Variants in ELP4 observed in about 807,000 individuals in gnomAD.
The protein encoded by ELP4 is elongator complex protein 4.
In ELP4, 51 loss-of-function variants were observed where a neutral mutation model predicts 48.9. The ratio of observed to expected loss-of-function variants is 1.04; its 90% CI spans 0.83 to 1.32. The LOEUF (loss-of-function observed/expected upper bound fraction) is 1.32, where lower values mean the gene tolerates loss of function less well. Ranked by LOEUF, ELP4 falls within the 40% of genes most tolerant of loss-of-function variation. The pLI is 0.00. For synonymous variants in ELP4, 210 were observed against 189.2 expected (o/e 1.11, Z -0.90); for missense variants, 519 against 514.6 (o/e 1.01, Z -0.08).
At chr11:31,613,525 C>T (rs972087098) in intron 5 of ELP4, among the ~76,000 whole-genome samples, 7 of 152,058 alleles carry the variant, frequency 4.6e-5, no homozygotes, top group Non-Finnish European at 5.9e-5. Flanking sequence ...ACATTTTTAT[C>T]AGCATACTTC....
At chr11:31,684,249 C>T (rs1344690223) in intron 9 of ELP4, among the ~76,000 whole-genome samples, 1 of 152,080 alleles carries the variant, frequency 6.6e-6, no homozygotes, top group Non-Finnish European at 1.5e-5. Context: ...CTTTGTCACC[C>T]AGGCTGGAGT....
intron 3 of ELP4, among the ~76,000 whole-genome samples, chr11:31,578,318 T>C (rs1174281376): frequency 1.3e-5 from 2 of 152,238 alleles, no homozygotes; most frequent in African/African-American, 4.8e-5. Flanking sequence ...GAACATTCCA[T>C]GCTTATGGTT....
intron 9 of ELP4, among the ~76,000 whole-genome samples, chr11:31,682,715 A>G (rs914710713): frequency 1.3e-5 from 2 of 152,340 alleles, no homozygotes; most frequent in East Asian, 1.9e-4. Context: ...AAACTGACAT[A>G]TAAACAACTA....
intron 9 of ELP4, among the ~76,000 whole-genome samples, chr11:31,730,976 A>G (rs1194944436): frequency 6.6e-6 from 1 of 152,156 alleles, no homozygotes; most frequent in African/African-American, 2.4e-5. Context: ...TCCTGAAAAA[A>G]AAAAAGAAGC....
intron 7 of ELP4, among the ~76,000 whole-genome samples, chr11:31,637,648 G>A (rs1945009419): frequency 6.6e-6 from 1 of 151,886 alleles, no homozygotes; most frequent in African/African-American, 2.4e-5. Context: ...CTTTAAAGCA[G>A]TTACAATAGG....
intron 9 of ELP4, among the ~76,000 whole-genome samples, chr11:31,742,874 T>C (rs1438395731): frequency 1.3e-5 from 2 of 152,126 alleles, no homozygotes; most frequent in Non-Finnish European, 2.9e-5. Flanking sequence ...AACATCATAA[T>C]GACAGGATCA....
intron 9 of ELP4, among the ~76,000 whole-genome samples, chr11:31,709,429 A>G (rs1180536686): frequency 6.6e-6 from 1 of 152,128 alleles, no homozygotes; most frequent in East Asian, 1.9e-4. Context: ...GTATTCAGTT[A>G]CTCACTATCA....
intron 6 of ELP4, among the ~76,000 whole-genome samples, chr11:31,627,897 G>A (rs1048431678): frequency 6.6e-6 from 1 of 152,018 alleles, no homozygotes; most frequent in Non-Finnish European, 1.5e-5. Flanking sequence ...TATTGAAGAA[G>A]ACAGAGAAGC....
chr11:31,731,974 A>G (rs1206416680), intron 9 of ELP4, among the ~76,000 whole-genome samples: 1 of 152,288 alleles, frequency 6.6e-6, no homozygotes, highest in South Asian at 2.1e-4. Context: ...TTCTTCAAAA[A>G]TGGAGCAATA....
At chr11:31,649,491 A>G (rs769150203) in intron 8 of ELP4, 2 of 151,630 alleles carry the variant, frequency 1.3e-5, no homozygotes, top group Non-Finnish European at 3.0e-5. Context: ...GCCAAAGCTC[A>G]TGGTTTACCT....
At chr11:31,611,384 G>A (rs1390579245) in intron 5 of ELP4, among the ~76,000 whole-genome samples, 1 of 151,968 alleles carries the variant, frequency 6.6e-6, no homozygotes, top group African/African-American at 2.4e-5. Context: ...AGTATGAGTC[G>A]GCTCTTATCA....
chr11:31,717,583 A>C (rs1324843346), intron 9 of ELP4, among the ~76,000 whole-genome samples: 1 of 151,796 alleles, frequency 6.6e-6, no homozygotes, highest in Non-Finnish European at 1.5e-5. Flanking sequence ...GTAAAACCTC[A>C]TCTCTACTAA....
intron 9 of ELP4, among the ~76,000 whole-genome samples, chr11:31,685,561 G>C (rs939504294): frequency 6.6e-6 from 1 of 152,130 alleles, no homozygotes; most frequent in East Asian, 1.9e-4. Flanking sequence ...TAACAGATTT[G>C]TATCCAAACT....
At chr11:31,681,308 T>C (rs957727930) in intron 9 of ELP4, among the ~76,000 whole-genome samples, 1 of 152,222 alleles carries the variant, frequency 6.6e-6, no homozygotes, top group Non-Finnish European at 1.5e-5. Flanking sequence ...AAACAGGGTT[T>C]GATTTGTTAC....
At chr11:31,717,921 G>A (rs563881112) in intron 9 of ELP4, among the ~76,000 whole-genome samples, 15 of 151,858 alleles carry the variant, frequency 9.9e-5, no homozygotes, top group Middle Eastern at 3.4e-3. Flanking sequence ...TTTGATAACC[G>A]CATCCATAGT....
intron 1 of ELP4, among the ~76,000 whole-genome samples, chr11:31,516,208 A>C (rs1382489753): frequency 1.3e-5 from 2 of 152,218 alleles, no homozygotes; most frequent in Non-Finnish European, 2.9e-5. Context: ...AGGAGGTTAG[A>C]TAAGAAACCT....
intron 9 of ELP4, chr11:31,714,740 T>A (rs930449957): frequency 7.5e-6 from 3 of 398,538 alleles, no homozygotes; most frequent in Admixed American, 4.4e-5. Flanking sequence ...ATTCCTTGGC[T>A]CATGGCTTCT....
At chr11:31,513,233 T>C (rs1324839790) in intron 1 of ELP4, among the ~76,000 whole-genome samples, 2 of 152,182 alleles carry the variant, frequency 1.3e-5, no homozygotes, top group Non-Finnish European at 1.5e-5. Context: ...CTATGTAAAA[T>C]TATTTCATGT....
chr11:31,577,366 G>T (rs1033054441), intron 3 of ELP4, among the ~76,000 whole-genome samples: 1 of 152,150 alleles, frequency 6.6e-6, no homozygotes, highest in South Asian at 2.1e-4. Context: ...ACAAAGAGGA[G>T]CTGGTACCAT....
Sources: allele counts gnomAD v4.1 joint callset (sites outside exome capture counted in the v4.1 genomes callset), GRCh38; gene constraint gnomAD v4.1.1; transcripts MANE v1.5; gene names NCBI Gene and HGNC (gene_info 2026-07-23, HGNC 2026-07-21).